Variants in ELOVL6 observed in about 807,000 individuals in gnomAD.
The protein encoded by ELOVL6 is ELOVL fatty acid elongase 6, also known as very long chain fatty acid elongase 6.
In ELOVL6, 8 loss-of-function variants were observed where a neutral mutation model predicts 31.7. The observed-to-expected ratio is 0.25, with a 90% CI of 0.15 to 0.45. The LOEUF is 0.45. Among genes scored for constraint, ELOVL6 ranks in the 20% least tolerant of loss-of-function variants. ELOVL6 has a pLI of 1.00. For missense variants in ELOVL6, 126 were observed against 326.4 expected, an observed-to-expected ratio of 0.39 and a Z score of 4.73; for synonymous variants, 101 against 117.7, an observed-to-expected ratio of 0.86 and a Z score of 0.92.
At position 110,108,807 on chromosome 4, in the gene ELOVL6, GT is replaced by G. The variant is rs570213414; in HGVS notation, c.90-3180del. On this transcript the variant is annotated intron_variant, in intron 1 of 3. Transcript: ENST00000302274. ...GGTTTGAGTGCTGTGATCAAAGTAA[GT>G]TTTTCATTGCATGCACAGAAATCTT... Among the ~76,000 whole-genome samples, 137 of 152,278 alleles carry G rather than the reference GT, an allele frequency of 9.0e-4. 1 individual carries two copies. The highest frequency in any genetic ancestry group is 3.2e-3 in the African/African-American group (132 of 41,554).
chr4:110,154,891 A>G (rs1303363332), intron 1 of ELOVL6, among the ~76,000 whole-genome samples: 5 of 152,224 alleles, frequency 3.3e-5, no homozygotes, highest in Non-Finnish European at 1.5e-5. Context: ...TAGAGGTCAA[A>G]ACAGGGACTT....
intron 1 of ELOVL6, among the ~76,000 whole-genome samples, chr4:110,186,601 C>T (rs560135987): frequency 6.6e-6 from 1 of 151,598 alleles, no homozygotes; most frequent in Non-Finnish European, 1.5e-5. Context: ...GTCAGGAGTT[C>T]GAGACCACCC....
chr4:110,149,662 G>A (rs986466380), intron 1 of ELOVL6, among the ~76,000 whole-genome samples: 1 of 152,188 alleles, frequency 6.6e-6, no homozygotes, highest in Non-Finnish European at 1.5e-5. Flanking sequence ...TGGGTACGAA[G>A]TGTGTTGCTC....
chr4:110,168,601 A>C (rs1332939244), intron 1 of ELOVL6, among the ~76,000 whole-genome samples: 2 of 152,174 alleles, frequency 1.3e-5, no homozygotes, highest in Non-Finnish European at 2.9e-5. Context: ...CATTGTGCAG[A>C]GCTCATTTAA....
chr4:110,158,657 AT>A (rs1184682018), intron 1 of ELOVL6, among the ~76,000 whole-genome samples: 856 of 74,146 alleles, frequency 0.012, 5 homozygotes, highest in African/African-American at 0.015. Flanking sequence ...ATATATATAT[AT>A]TTTTTTTTTT....
At chr4:110,167,703 A>G (rs200887070) in intron 1 of ELOVL6, among the ~76,000 whole-genome samples, 1 of 104,282 alleles carries the variant, frequency 9.6e-6, no homozygotes, top group Non-Finnish European at 2.0e-5. Flanking sequence ...GTATGTATGT[A>G]TGTATGTTTG....
At chr4:110,169,507 T>C (rs1039925231) in intron 1 of ELOVL6, among the ~76,000 whole-genome samples, 1 of 152,030 alleles carries the variant, frequency 6.6e-6, no homozygotes, top group Non-Finnish European at 1.5e-5. Flanking sequence ...CCTCCCAAAG[T>C]GCTGGGATTA....
At chr4:110,099,731 T>C (rs1756686464) in intron 2 of ELOVL6, among the ~76,000 whole-genome samples, 1 of 152,174 alleles carries the variant, frequency 6.6e-6, no homozygotes, top group African/African-American at 2.4e-5. Context: ...AGGTAACTGG[T>C]AGAGGCTCCT....
intron 1 of ELOVL6, among the ~76,000 whole-genome samples, chr4:110,160,710 T>C (rs918627662): frequency 1.3e-5 from 2 of 152,232 alleles, no homozygotes; most frequent in African/African-American, 4.8e-5. Context: ...TTGTTTTCTA[T>C]AGAAAGTTTA....
rs1226821861 is a variant in ELOVL6, at chr4:110,047,483, TG to T, written c.*3854del. 2 of 152,252 alleles carry T rather than the reference TG, an allele frequency of 1.3e-5. No homozygotes were observed. The highest frequency in any genetic ancestry group is 4.8e-5 in the African/African-American group (2 of 41,458). The allele number at this position is 152,252 out of a possible 1,614,324, so 9.4% of individuals were successfully genotyped here. A position where few individuals can be genotyped will look rare whatever the true frequency, so the allele number is the denominator to read the frequency against. On this transcript the variant is annotated 3_prime_UTR_variant, in exon 4 of 4. Coordinates refer to ENST00000302274, the MANE Select transcript of ELOVL6 (RefSeq NM_024090.3). ...TGTCTCTCCCAGGTAATTCAGAAGC[TG>T]GGGCTATGGCCAGACTTCTGGAACA...
chr4:110,131,977 A>C (rs1156844770), intron 1 of ELOVL6, among the ~76,000 whole-genome samples: 1 of 152,220 alleles, frequency 6.6e-6, no homozygotes, highest in African/African-American at 2.4e-5. Context: ...GAATGGGGGA[A>C]GAGGTGCTTC....
At chr4:110,177,890 A>C (rs1207028823) in intron 1 of ELOVL6, among the ~76,000 whole-genome samples, 1 of 152,228 alleles carries the variant, frequency 6.6e-6, no homozygotes, top group Non-Finnish European at 1.5e-5. Context: ...AGTATTACCC[A>C]AAAATGACAT....
At chr4:110,085,773 G>A (rs1352124326) in intron 2 of ELOVL6, among the ~76,000 whole-genome samples, 1 of 152,196 alleles carries the variant, frequency 6.6e-6, no homozygotes, top group Non-Finnish European at 1.5e-5. Context: ...GAGTGCAGTG[G>A]TGTGATCTTG....
chr4:110,084,003 C>T (rs1256310151), intron 2 of ELOVL6, among the ~76,000 whole-genome samples: 41 of 8,848 alleles, frequency 4.6e-3, no homozygotes, highest in East Asian at 0.016. Flanking sequence ...ATAACATATG[C>T]CATATATGGT....
intron 1 of ELOVL6, among the ~76,000 whole-genome samples, chr4:110,189,474 C>A (rs1268626693): frequency 4.0e-5 from 6 of 151,108 alleles, no homozygotes; most frequent in African/African-American, 1.5e-4. Context: ...GTAATCCCAG[C>A]TACTCAGAAG....
chr4:110,136,462 G>A (rs997054046), intron 1 of ELOVL6, among the ~76,000 whole-genome samples: 1 of 152,154 alleles, frequency 6.6e-6, no homozygotes, highest in Non-Finnish European at 1.5e-5. Flanking sequence ...AGCTAGGACC[G>A]ATTACATGTT....
In ELOVL6 at chr4:110,046,817, C is replaced by A. The variant is rs1158629685; in HGVS notation, c.*4521G>T. On this transcript the variant is annotated 3_prime_UTR_variant, in exon 4 of 4. Coordinates refer to ENST00000302274, the MANE Select transcript of ELOVL6 (RefSeq NM_024090.3). ...GCTCATTGGCAAACTGGGACCTACC[C>A]CTTCATACTGATTGTCGGAACAAAA... The A allele has an allele frequency of 6.6e-6, 1 of 152,180 alleles. No homozygotes were observed. Among genetic ancestry groups the A allele is most frequent in the South Asian group, 2.1e-4 (1 of 4,822 alleles). 9.4% of individuals were successfully genotyped at this position (152,180 alleles called of 1,614,324 possible). A position where few individuals can be genotyped will look rare whatever the true frequency, so the allele number is the denominator to read the frequency against.
chr4:110,058,226 T>G (rs984165702), intron 3 of ELOVL6, among the ~76,000 whole-genome samples: 1 of 152,214 alleles, frequency 6.6e-6, no homozygotes. Flanking sequence ...TCCACACTAA[T>G]GCATTTTACC....
At chr4:110,086,862 T>C (rs1255199019) in intron 2 of ELOVL6, among the ~76,000 whole-genome samples, 1 of 152,206 alleles carries the variant, frequency 6.6e-6, no homozygotes, top group Non-Finnish European at 1.5e-5. Context: ...ATGGGAAAAC[T>C]GATCCGGAAT....
Sources: gnomAD v4.1 joint callset for allele counts (sites outside exome capture counted in the v4.1 genomes callset) on GRCh38, gnomAD v4.1.1 for gene constraint, MANE v1.5 for transcripts, NCBI Gene and HGNC (gene_info 2026-07-23, HGNC 2026-07-21) for gene names.